The following PHTF2 variants were observed in gnomAD, a reference collection of about 807,000 sequenced individuals.
The protein encoded by PHTF2 is putative homeodomain transcription factor 2, also known as protein PHTF2.
Under a neutral mutation model 101.2 loss-of-function variants are expected in PHTF2, and 60 were observed. The ratio of observed to expected loss-of-function variants is 0.59; its 90% CI spans 0.48 to 0.73. The LOEUF is 0.73. Among genes scored for constraint, PHTF2 ranks in the 30% least tolerant of loss-of-function variants. The pLI is 0.00. For missense variants in PHTF2, 747 were observed against 908.7 expected (o/e 0.82, Z 2.29); for synonymous variants, 311 against 307.3 (o/e 1.01, Z -0.13).
chr7:77,897,516 A>G (rs2150815667), intron 5 of PHTF2, among the ~76,000 whole-genome samples: 1 of 151,928 alleles, frequency 6.6e-6, no homozygotes, highest in Admixed American at 6.6e-5. Context: ...AGTTTTAAAA[A>G]TCTCATTTTT....
At position 77,882,753 on chromosome 7, in the gene PHTF2, AGTT is replaced by A. The variant is rs1284600508; in HGVS notation, c.148-10851_148-10849del. ...TAGAGATTTGGTAAAATAATTTGGTAGTTGTTATGCATTTGAAAGAGTTGCTAG... is the reference window on the plus strand; with the variant it reads ...TAGAGATTTGGTAAAATAATTTGGTAGTTATGCATTTGAAAGAGTTGCTAG... On this transcript the variant is annotated intron_variant, in intron 3 of 19. Coordinates refer to ENST00000416283, the Ensembl canonical transcript of PHTF2. 3.3e-5 allele frequency among the ~76,000 whole-genome samples: 5 copies of A among 152,120 alleles called. No homozygotes were observed. In the East Asian group the frequency reaches 7.7e-4, roughly 23 times the overall value.
At chr7:77,841,075 C>CTTTTTT (rs57283892) in intron 2 of PHTF2, among the ~76,000 whole-genome samples, 1,848 of 77,112 alleles carry the variant, frequency 0.024, 512 homozygotes, top group African/African-American at 0.11. Context: ...AAAAAACAGA[C>CTTTTTT]TTTTTTTTTT....
intron 3 of PHTF2, among the ~76,000 whole-genome samples, chr7:77,863,713 A>G (rs1276950169): frequency 6.6e-6 from 1 of 151,582 alleles, no homozygotes; most frequent in Non-Finnish European, 1.5e-5. Context: ...GATAGGATTT[A>G]CACGCATTTA....
Position 77,901,951 on chromosome 7 carries a change from T to G in PHTF2, c.445+31T>G. ...ATTAAGTGATTTTTGCTTTTACTTT[T>G]CAGAATGTTACATTGTTAGGTTTAA... On this transcript the variant is annotated intron_variant, in intron 7 of 19. Transcript: ENST00000416283. The G allele has an allele frequency of 1.4e-6, 2 of 1,396,858 alleles. 1 individual carries two copies. The highest frequency in any genetic ancestry group is 3.0e-5 in the South Asian group (2 of 66,582). The allele number at this position is 1,396,858 out of a possible 1,614,324, so 86.5% of individuals were successfully genotyped here. A position where few individuals can be genotyped will look rare whatever the true frequency, so the allele number is the denominator to read the frequency against.
At chr7:77,801,194 C>G (rs1040967497) in intron 1 of PHTF2, among the ~76,000 whole-genome samples, 1 of 152,156 alleles carries the variant, frequency 6.6e-6, no homozygotes, top group African/African-American at 2.4e-5. Flanking sequence ...ACAATATATA[C>G]AGATTGAGCA....
intron 1 of PHTF2, 84 bp from the exon 2 acceptor site, chr7:77,840,137 C>A: frequency 1.5e-6 from 1 of 687,372 alleles, no homozygotes; most frequent in Non-Finnish European, 2.6e-6. Context: ...TGCAAGTAAC[C>A]AGAGTGCTAT....
intron 5 of PHTF2, among the ~76,000 whole-genome samples, chr7:77,899,956 A>G (rs1801235782): frequency 6.6e-6 from 1 of 151,918 alleles, no homozygotes; most frequent in Non-Finnish European, 1.5e-5. Context: ...GTCTTAAGTA[A>G]TAATTTACTT....
intron 1 of PHTF2, among the ~76,000 whole-genome samples, chr7:77,818,761 G>A (rs1794050736): frequency 6.6e-6 from 1 of 152,124 alleles, no homozygotes; most frequent in Non-Finnish European, 1.5e-5. Flanking sequence ...TGTATTTTGG[G>A]ATTGTTTTTT....
At chr7:77,879,400 C>T (rs1799220153) in intron 3 of PHTF2, among the ~76,000 whole-genome samples, 1 of 152,050 alleles carries the variant, frequency 6.6e-6, no homozygotes, top group Non-Finnish European at 1.5e-5. Flanking sequence ...GCCTAAAGAA[C>T]TCGTGATGGC....
intron 1 of PHTF2, among the ~76,000 whole-genome samples, chr7:77,826,907 T>C (rs1794732621): frequency 6.6e-6 from 1 of 152,136 alleles, no homozygotes; most frequent in South Asian, 2.1e-4. Flanking sequence ...CAACCTCAAA[T>C]GAAACAAAAT....
intron 3 of PHTF2, among the ~76,000 whole-genome samples, chr7:77,873,792 C>T (rs1052023785): frequency 1.3e-5 from 2 of 152,190 alleles, no homozygotes; most frequent in African/African-American, 4.8e-5. Context: ...TTCAGGGTCG[C>T]ATTCTTTTCT....
exon 14 of PHTF2, chr7:77,940,175 T>C: frequency 6.2e-7 from 1 of 1,613,816 alleles, no homozygotes; most frequent in East Asian, 2.2e-5. Flanking sequence ...GAACTTTATG[T>C]GATTGCATTT....
chr7:77,803,293 A>T (rs1348686714), intron 1 of PHTF2, among the ~76,000 whole-genome samples: 2 of 152,256 alleles, frequency 1.3e-5, no homozygotes, highest in African/African-American at 4.8e-5. Flanking sequence ...TTGCAAAAAC[A>T]GTACAAGAAA....
chr7:77,839,827 T>C (rs1341411527), intron 1 of PHTF2, among the ~76,000 whole-genome samples: 1 of 152,230 alleles, frequency 6.6e-6, no homozygotes, highest in African/African-American at 2.4e-5. Flanking sequence ...TAAGCCATCC[T>C]TTAGCAATGG....
intron 1 of PHTF2, among the ~76,000 whole-genome samples, chr7:77,829,827 G>T (rs1191134849): frequency 6.6e-6 from 1 of 152,186 alleles, no homozygotes; most frequent in Non-Finnish European, 1.5e-5. Flanking sequence ...TCTGCAATAT[G>T]TAAAACCTTT....
At chr7:77,841,075 C>CTTTTTTTTCTTTTTTTT (rs1795834128) in intron 2 of PHTF2, among the ~76,000 whole-genome samples, 1 of 77,286 alleles carries the variant, frequency 1.3e-5, no homozygotes, top group Non-Finnish European at 2.3e-5. Context: ...AAAAAACAGA[C>CTTTTTTTTCTTTTTTTT]TTTTTTTTTT....
At chr7:77,948,591 G>C (rs1021466667) in intron 16 of PHTF2, among the ~76,000 whole-genome samples, 1 of 151,550 alleles carries the variant, frequency 6.6e-6, no homozygotes, top group Non-Finnish European at 1.5e-5. Flanking sequence ...CAAATCAATA[G>C]GAAAAACGAA....
At chr7:77,809,899 C>T (rs536284325) in intron 1 of PHTF2, among the ~76,000 whole-genome samples, 10 of 152,102 alleles carry the variant, frequency 6.6e-5, no homozygotes, top group East Asian at 3.9e-4. Context: ...ATTGAAGCAC[C>T]GGGCTAGTTT....
chr7:77,815,289 G>C (rs938520753), intron 1 of PHTF2, among the ~76,000 whole-genome samples: 1 of 152,050 alleles, frequency 6.6e-6, no homozygotes, highest in African/African-American at 2.4e-5. Flanking sequence ...GACTGCAAAA[G>C]TACCAGGAGT....
Sources: allele counts gnomAD v4.1 joint callset (sites outside exome capture counted in the v4.1 genomes callset), GRCh38; gene constraint gnomAD v4.1.1; transcripts MANE v1.5; gene names NCBI Gene and HGNC (gene_info 2026-07-23, HGNC 2026-07-21).